The following PAK1 variants were observed in gnomAD, a reference collection of about 807,000 sequenced individuals.
PAK1 encodes p21 (RAC1) activated kinase 1.
PAK1 carries 29 observed loss-of-function variants against 67.4 expected under a neutral mutation model. The ratio of observed to expected loss-of-function variants is 0.43; its 90% CI spans 0.32 to 0.59. The LOEUF is 0.59. Ranked by LOEUF, PAK1 falls within the 20% of genes least tolerant of loss-of-function variation. The pLI is 0.07. For synonymous variants in PAK1, 223 were observed against 237.4 expected (o/e 0.94, Z 0.56); for missense variants, 337 against 670.7 (o/e 0.50, Z 5.50).
chr11:77,401,309 C>A (rs1377878939), intron 1 of PAK1, among the ~76,000 whole-genome samples: 1 of 152,074 alleles, frequency 6.6e-6, no homozygotes, highest in African/African-American at 2.4e-5. Context: ...CAAAGATACT[C>A]CCACTATGCA....
chr11:77,437,536 T>C (rs1956180181), intron 1 of PAK1, among the ~76,000 whole-genome samples: 1 of 152,190 alleles, frequency 6.6e-6, no homozygotes, highest in African/African-American at 2.4e-5. Context: ...AAAGTTGATT[T>C]TGCCTTCCAG....
At chr11:77,417,550 G>A (rs138850632) in intron 1 of PAK1, among the ~76,000 whole-genome samples, 123 of 152,238 alleles carry the variant, frequency 8.1e-4, no homozygotes, top group African/African-American at 2.9e-3. Flanking sequence ...TACTATAATC[G>A]TGGATACACA....
chr11:77,378,660 C>T (rs1949411577), intron 4 of PAK1, among the ~76,000 whole-genome samples: 1 of 152,116 alleles, frequency 6.6e-6, no homozygotes, highest in Admixed American at 6.5e-5. Flanking sequence ...GTGATCCTTG[C>T]TCACTGCAAC....
chr11:77,413,311 G>T (rs1386737014), intron 1 of PAK1, among the ~76,000 whole-genome samples: 1 of 152,190 alleles, frequency 6.6e-6, no homozygotes, highest in African/African-American at 2.4e-5. Flanking sequence ...ACAGAAAATA[G>T]TAATGATTTA....
At chr11:77,392,087 T>G (rs1437752095) in intron 2 of PAK1, among the ~76,000 whole-genome samples, 1 of 152,216 alleles carries the variant, frequency 6.6e-6, no homozygotes, top group African/African-American at 2.4e-5. Flanking sequence ...TCACTTCAGA[T>G]TGTCCCAAAT....
At chr11:77,511,893 C>T in the PAK1 span, among the ~76,000 whole-genome samples, 1 of 152,134 alleles carries the variant, frequency 6.6e-6, no homozygotes, top group Non-Finnish European at 1.5e-5. Context: ...TTGCAATATG[C>T]ATAACAAGGA....
intron 1 of PAK1, among the ~76,000 whole-genome samples, chr11:77,424,626 C>T (rs1214060383): frequency 1.3e-5 from 2 of 152,196 alleles, no homozygotes; most frequent in Admixed American, 1.3e-4. Flanking sequence ...GTACCAGGTA[C>T]TATTTAAATC....
At chr11:77,422,554 CAA>C (rs11388442) in intron 1 of PAK1, among the ~76,000 whole-genome samples, 9 of 137,162 alleles carry the variant, frequency 6.6e-5, no homozygotes, top group African/African-American at 7.8e-5. Context: ...GACACCGTCT[CAA>C]AAAAAAAAAA....
the PAK1 span, among the ~76,000 whole-genome samples, chr11:77,494,215 C>T: frequency 6.6e-6 from 1 of 152,114 alleles, no homozygotes; most frequent in Admixed American, 6.5e-5. Context: ...CTGGAAACAA[C>T]CTGAATATCT....
intron 14 of PAK1, among the ~76,000 whole-genome samples, chr11:77,329,904 TCTC>T (rs1185714578): frequency 1.3e-5 from 2 of 152,098 alleles, no homozygotes; most frequent in Non-Finnish European, 2.9e-5. Context: ...CAGCCCAAAA[TCTC>T]CTCAAGCTGA....
intron 1 of PAK1, among the ~76,000 whole-genome samples, chr11:77,467,195 C>A (rs886918675): frequency 2.0e-5 from 3 of 152,182 alleles, no homozygotes; most frequent in Non-Finnish European, 4.4e-5. Context: ...AACCCCTGAT[C>A]ATTTTTCAGA....
the PAK1 span, among the ~76,000 whole-genome samples, chr11:77,507,307 T>G: frequency 6.6e-6 from 1 of 152,164 alleles, no homozygotes; most frequent in Non-Finnish European, 1.5e-5. Flanking sequence ...CCAGAGCACC[T>G]TAAGATTCTC....
At chr11:77,507,533 T>C in the PAK1 span, among the ~76,000 whole-genome samples, 1 of 152,194 alleles carries the variant, frequency 6.6e-6, no homozygotes, top group Admixed American at 6.5e-5. Context: ...ACTTTTTTTT[T>C]CTTTTTCAGA....
At chr11:77,493,465 T>G in the PAK1 span, among the ~76,000 whole-genome samples, 8 of 141,840 alleles carry the variant, frequency 5.6e-5, no homozygotes, top group African/African-American at 2.1e-4. Flanking sequence ...TTTTTTTTTT[T>G]TTTTTTTTTA....
intron 1 of PAK1, among the ~76,000 whole-genome samples, chr11:77,444,499 A>G (rs1460659720): frequency 1.3e-5 from 2 of 152,196 alleles, no homozygotes; most frequent in Non-Finnish European, 2.9e-5. Flanking sequence ...CTAATGTGAA[A>G]TTCTCTGAGT....
chr11:77,339,332 GA>G (rs920016852), intron 11 of PAK1, among the ~76,000 whole-genome samples: 6 of 151,920 alleles, frequency 3.9e-5, no homozygotes, highest in African/African-American at 1.4e-4. Flanking sequence ...GGGGTGGGGT[GA>G]AAAAAATCTT....
At chr11:77,404,533 C>T (rs940555124) in intron 1 of PAK1, among the ~76,000 whole-genome samples, 5 of 152,158 alleles carry the variant, frequency 3.3e-5, no homozygotes, top group Admixed American at 6.5e-5. Context: ...TCCCAAAGTG[C>T]TGGGATTACA....
intron 1 of PAK1, among the ~76,000 whole-genome samples, chr11:77,395,977 A>G (rs925017236): frequency 8.6e-5 from 13 of 151,496 alleles, no homozygotes; most frequent in Admixed American, 2.0e-4. Flanking sequence ...CCAAAATTAC[A>G]CTCCCTGCAG....
chr11:77,486,030 C>T, the PAK1 span, among the ~76,000 whole-genome samples: 1 of 152,282 alleles, frequency 6.6e-6, no homozygotes, highest in African/African-American at 2.4e-5. Context: ...GCAACAACTT[C>T]ATAAACATCT....
Sources: allele counts gnomAD v4.1 joint callset (sites outside exome capture counted in the v4.1 genomes callset), GRCh38; gene constraint gnomAD v4.1.1; transcripts MANE v1.5; gene names NCBI Gene and HGNC (gene_info 2026-07-23, HGNC 2026-07-21).